Variants in NPRL3 observed in about 807,000 individuals in gnomAD.
The protein encoded by NPRL3 is NPR3 like, GATOR1 complex subunit.
In NPRL3, 23 loss-of-function variants were observed where a neutral mutation model predicts 57.2. The observed-to-expected ratio is 0.40, with a 90% CI of 0.29 to 0.57. The LOEUF is 0.57. Among genes scored for constraint, NPRL3 ranks in the 20% least tolerant of loss-of-function variants. The probability of loss-of-function intolerance (pLI) is 0.42; values close to 1 mark genes in which losing one functional copy is unlikely to be tolerated. For synonymous variants in NPRL3, 333 were observed against 321.1 expected (o/e 1.04, Z -0.39); for missense variants, 691 against 767.1 (o/e 0.90, Z 1.17).
intron 3 of NPRL3, among the ~76,000 whole-genome samples, chr16:120,902 G>A (rs992349402): frequency 5.3e-5 from 8 of 152,120 alleles, no homozygotes; most frequent in South Asian, 2.1e-4. Flanking sequence ...GTATTAAAAC[G>A]CCACCAAACA....
At chr16:138,421 G>A (rs1901236438) in intron 1 of NPRL3, 87 bp from the exon 2 acceptor site, 1 of 334,064 alleles carries the variant, frequency 3.0e-6, no homozygotes, top group Non-Finnish European at 5.5e-6. Context: ...GGGTGGAGGC[G>A]GAGGGGGCCT....
intron 2 of NPRL3, among the ~76,000 whole-genome samples, chr16:134,477 C>T (rs1052698932): frequency 2.0e-5 from 3 of 152,002 alleles, no homozygotes; most frequent in South Asian, 2.1e-4. Flanking sequence ...TTTTCCTGAA[C>T]GGGAAGATTC....
At chr16:127,609 A>G (rs577021039) in intron 3 of NPRL3, among the ~76,000 whole-genome samples, 18 of 152,178 alleles carry the variant, frequency 1.2e-4, no homozygotes, top group African/African-American at 4.3e-4. Context: ...ATTTCCATAT[A>G]GACATTGAGC....
At chr16:127,346 C>T (rs1034420884) in intron 3 of NPRL3, 1 of 150,560 alleles carries the variant, frequency 6.6e-6, no homozygotes, top group Non-Finnish European at 1.5e-5. Context: ...ATGTCCTGGG[C>T]TCCCTCAGCC....
At chr16:90,330 G>C (rs1596497197) in intron 11 of NPRL3, 5 of 187,588 alleles carry the variant, frequency 2.7e-5, no homozygotes, top group South Asian at 9.8e-5. Context: ...CACAAGCCCA[G>C]ACACTGTTTA....
chr16:117,098 T>C (rs1177209292), intron 5 of NPRL3, among the ~76,000 whole-genome samples: 2 of 152,158 alleles, frequency 1.3e-5, no homozygotes, highest in South Asian at 2.1e-4. Flanking sequence ...CACTGAAGCA[T>C]AGACTTCAAA....
chr16:97,158 C>T (rs1899046100), intron 9 of NPRL3, among the ~76,000 whole-genome samples: 1 of 152,198 alleles, frequency 6.6e-6, no homozygotes, highest in Admixed American at 6.6e-5. Context: ...TTCAATGGTC[C>T]CGTGGCTCTG....
intron 7 of NPRL3, among the ~76,000 whole-genome samples, 195 bp from the exon 8 acceptor site, chr16:100,704 T>A (rs887744124): frequency 2.4e-5 from 3 of 126,650 alleles, no homozygotes; most frequent in African/African-American, 7.8e-5. Context: ...GCACGGTGGC[T>A]CATGCCTGTA....
At chr16:120,666 G>A (rs1469983684) in intron 3 of NPRL3, among the ~76,000 whole-genome samples, 1 of 152,146 alleles carries the variant, frequency 6.6e-6, no homozygotes, top group Non-Finnish European at 1.5e-5. Flanking sequence ...AACCCAGTCA[G>A]GTTGCAGTTG....
intron 11 of NPRL3, among the ~76,000 whole-genome samples, 165 bp downstream of exon 11, chr16:92,431 T>G (rs1175052536): frequency 1.3e-5 from 2 of 152,304 alleles, no homozygotes; most frequent in Non-Finnish European, 2.9e-5. Context: ...GGCAGCTGAC[T>G]TTTGGGTCCT....
At chr16:122,095 G>A (rs529695905) in intron 3 of NPRL3, among the ~76,000 whole-genome samples, 5 of 146,534 alleles carry the variant, frequency 3.4e-5, no homozygotes, top group Admixed American at 6.9e-5. Flanking sequence ...ACAATTGAGC[G>A]GCTTTTTCTT....
At chr16:106,629 T>TAAAAAAA (rs763058746) in intron 7 of NPRL3, among the ~76,000 whole-genome samples, 43 of 60,068 alleles carry the variant, frequency 7.2e-4, no homozygotes, top group South Asian at 1.1e-3. Context: ...TGCCTTAAAT[T>TAAAAAAA]AAAAAAAAAA....
chr16:109,685 G>T (rs1024977427), intron 7 of NPRL3, among the ~76,000 whole-genome samples: 7 of 152,038 alleles, frequency 4.6e-5, no homozygotes, highest in Admixed American at 2.0e-4. Flanking sequence ...TTGTACCTCT[G>T]TCCCACCAGC....
intron 3 of NPRL3, among the ~76,000 whole-genome samples, chr16:122,165 C>T (rs1900311211): frequency 6.6e-6 from 1 of 152,068 alleles, no homozygotes; most frequent in South Asian, 2.1e-4. Context: ...GGCGCAATCT[C>T]GGCTCACTGA....
chr16:91,194 A>T (rs536134398), intron 11 of NPRL3: 7 of 152,058 alleles, frequency 4.6e-5, no homozygotes, highest in African/African-American at 1.7e-4. Flanking sequence ...CCTGGTCAAC[A>T]CGGTGAAACC....
chr16:134,694 ATTT>A (rs34425237), intron 2 of NPRL3, among the ~76,000 whole-genome samples: 2 of 103,426 alleles, frequency 1.9e-5, no homozygotes, highest in Admixed American at 1.2e-4. Context: ...AATTATTATT[ATTT>A]TTTTTTTTTT....
intron 10 of NPRL3, chr16:92,990 A>AG (rs1280092243): frequency 2.1e-5 from 13 of 613,744 alleles, no homozygotes; most frequent in African/African-American, 7.4e-5. Context: ...AGCCTGGAGG[A>AG]GGGGGCCAGG....
At chr16:95,350 T>TATATATATAC (rs1223611120) in intron 9 of NPRL3, among the ~76,000 whole-genome samples, 75 of 110,974 alleles carry the variant, frequency 6.8e-4, no homozygotes, top group African/African-American at 2.6e-3. Flanking sequence ...TATATATATA[T>TATATATATAC]ACACACACAC....
intron 7 of NPRL3, among the ~76,000 whole-genome samples, chr16:105,617 TC>T (rs1057287907): frequency 2.6e-5 from 4 of 152,060 alleles, no homozygotes; most frequent in Admixed American, 6.5e-5. Context: ...TGGACATCAC[TC>T]CCCACCACAG....
Sources: allele counts gnomAD v4.1 joint callset (sites outside exome capture counted in the v4.1 genomes callset), GRCh38; gene constraint gnomAD v4.1.1; transcripts MANE v1.5; gene names NCBI Gene and HGNC (gene_info 2026-07-23, HGNC 2026-07-21).